The following KAZN variants were observed in gnomAD, a reference collection of about 807,000 sequenced individuals.
The protein encoded by KAZN is kazrin, periplakin interacting protein.
A neutral mutation model predicts 87.4 loss-of-function variants in KAZN; 40 were observed. That is an observed-to-expected ratio of 0.46 (90% CI 0.36 to 0.60). The LOEUF (loss-of-function observed/expected upper bound fraction) is 0.60. Ranked by LOEUF, KAZN falls within the 20% of genes least tolerant of loss-of-function variation. The pLI is 0.00. For synonymous variants in KAZN, 466 were observed against 458.3 expected (o/e 1.02, Z -0.22); for missense variants, 898 against 1,073.9 (o/e 0.84, Z 2.29).
rs755223495 is a variant in KAZN, at chr1:15,066,022, C to T, written c.1222+269C>T. The T allele has an allele frequency of 6.3e-6, 8 of 1,261,070 alleles. No individual in the cohort carries two copies. Among genetic ancestry groups the T allele is most frequent in the Admixed American group, 4.1e-5 (1 of 24,378 alleles). The allele number at this position is 1,261,070 out of a possible 1,614,324, so 78.1% of individuals were successfully genotyped here. On this transcript the variant is annotated intron_variant, in intron 8 of 14. Coordinates refer to ENST00000376030, the MANE Select transcript of KAZN (RefSeq NM_201628.3). This position sits in a 1 kb window ranked among gnomAD's most constrained non-coding sequence, Gnocchi z 4.3. ...TGTAATTGATGTACATACCGCAAAC[C>T]GTGTGTGAACCTGTCAACTCTCTGT...
chr1:14,771,479 C>A (rs1645016792), intron 1 of KAZN, among the ~76,000 whole-genome samples: 1 of 152,154 alleles, frequency 6.6e-6, no homozygotes, highest in African/African-American at 2.4e-5. Flanking sequence ...CCCTTCTCAT[C>A]TTGCACTTGG....
At chr1:14,257,648 T>C (rs1384062702) in intron 2 of KAZN, among the ~76,000 whole-genome samples, 1 of 149,900 alleles carries the variant, frequency 6.7e-6, no homozygotes, top group African/African-American at 2.5e-5. Flanking sequence ...GATTTTTGTA[T>C]AAGATGTAAG....
intron 2 of KAZN, among the ~76,000 whole-genome samples, chr1:14,327,072 T>C (rs1381292486): frequency 6.6e-6 from 1 of 152,222 alleles, no homozygotes; most frequent in Non-Finnish European, 1.5e-5. Context: ...CAGTTAGCAC[T>C]TTGTAAACAC....
chr1:14,781,214 C>G (rs371281333), intron 1 of KAZN, among the ~76,000 whole-genome samples: 1 of 152,130 alleles, frequency 6.6e-6, no homozygotes, highest in African/African-American at 2.4e-5. Context: ...CCCAGCTACT[C>G]GGGAGGCTGA....
intron 1 of KAZN, among the ~76,000 whole-genome samples, chr1:13,966,990 A>T (rs1641969894): frequency 6.6e-6 from 1 of 152,162 alleles, no homozygotes; most frequent in African/African-American, 2.4e-5. Flanking sequence ...CTGTGTCTGT[A>T]TAACTGGTCC....
At chr1:14,617,754 A>G (rs1678367687) in intron 1 of KAZN, among the ~76,000 whole-genome samples, 1 of 152,208 alleles carries the variant, frequency 6.6e-6, no homozygotes, top group African/African-American at 2.4e-5. Context: ...TGGGAGTGAC[A>G]ACACGACCAT....
Position 15,020,435 on chromosome 1 carries a change from T to C in KAZN, c.419-14314T>C, listed in dbSNP as rs368223102. On this transcript the variant is annotated intron_variant, in intron 2 of 14. Transcript: ENST00000376030. ...CCCTCCTGTGCACCTTTCTTGCCAC[T>C]ATCCCCCTCCGAAGGTAGCCTGTCG... Among the ~76,000 whole-genome samples the C allele has an allele frequency of 2.2e-3, 338 of 152,324 alleles. 14 individuals are homozygous for C. The South Asian group carries it at 0.067, about 30-fold the overall frequency.
chr1:14,162,497 CAAAAGATT>C (rs910118313), intron 1 of KAZN, among the ~76,000 whole-genome samples: 13 of 151,724 alleles, frequency 8.6e-5, no homozygotes, highest in African/African-American at 2.9e-4. Context: ...AAGGCCACAG[CAAAAGATT>C]TTATAGCTAC....
chr1:14,860,998 GA>G (rs1650776123), intron 1 of KAZN, among the ~76,000 whole-genome samples: 1 of 152,206 alleles, frequency 6.6e-6, no homozygotes, highest in Non-Finnish European at 1.5e-5. Flanking sequence ...GCATGTGAAG[GA>G]AGGGAAAGAG....
chr1:14,588,564 T>C (rs1675994159), intron 2 of KAZN, among the ~76,000 whole-genome samples: 1 of 152,236 alleles, frequency 6.6e-6, no homozygotes, highest in Non-Finnish European at 1.5e-5. Flanking sequence ...TCTGAGTCTG[T>C]GCCCCCCAGC....
At chr1:14,917,563 T>C (rs1448903697) in intron 1 of KAZN, among the ~76,000 whole-genome samples, 1 of 152,212 alleles carries the variant, frequency 6.6e-6, no homozygotes, top group Non-Finnish European at 1.5e-5. Flanking sequence ...CAGAGCTTTT[T>C]ATGTGTGCCT....
intron 1 of KAZN, among the ~76,000 whole-genome samples, chr1:14,639,794 A>G (rs1360598860): frequency 6.6e-6 from 1 of 152,086 alleles, no homozygotes; most frequent in Non-Finnish European, 1.5e-5. Flanking sequence ...TTTTTTAGCC[A>G]TCCAGGGCAT....
intron 1 of KAZN, among the ~76,000 whole-genome samples, chr1:14,912,995 T>C (rs1463017813): frequency 1.3e-5 from 2 of 152,184 alleles, no homozygotes; most frequent in Non-Finnish European, 2.9e-5. Flanking sequence ...GCTATTGTTC[T>C]TTCCTAAGAC....
At chr1:14,718,496 G>A (rs149118902) in intron 1 of KAZN, among the ~76,000 whole-genome samples, 1 of 152,310 alleles carries the variant, frequency 6.6e-6, no homozygotes, top group African/African-American at 2.4e-5. Context: ...GAGAATTGCT[G>A]ACAATTTTCA....
At chr1:14,527,931 T>C (rs1027854037) in intron 2 of KAZN, among the ~76,000 whole-genome samples, 1 of 152,152 alleles carries the variant, frequency 6.6e-6, no homozygotes, top group African/African-American at 2.4e-5. Flanking sequence ...ATCCAAACTA[T>C]AGCACTTCAT....
At chr1:14,574,432 G>T (rs1675055559) in intron 2 of KAZN, among the ~76,000 whole-genome samples, 1 of 152,134 alleles carries the variant, frequency 6.6e-6, no homozygotes, top group Non-Finnish European at 1.5e-5. Context: ...GAATCATGGA[G>T]GCGATTTCCC....
intron 1 of KAZN, among the ~76,000 whole-genome samples, chr1:14,135,846 C>T (rs1444319584): frequency 2.0e-5 from 3 of 152,110 alleles, no homozygotes; most frequent in Non-Finnish European, 2.9e-5. Flanking sequence ...ATGGAGGCTG[C>T]TCAAAAGATT....
chr1:14,962,877 C>A (rs187992715), intron 2 of KAZN, among the ~76,000 whole-genome samples: 19 of 152,272 alleles, frequency 1.2e-4, no homozygotes, highest in African/African-American at 4.6e-4. Flanking sequence ...GGCTCACTTA[C>A]ACTACCATCC....
chr1:14,851,697 G>A (rs565850506), intron 1 of KAZN, among the ~76,000 whole-genome samples: 2 of 152,232 alleles, frequency 1.3e-5, no homozygotes, highest in Admixed American at 6.5e-5. Context: ...AGTCTTCTCA[G>A]CCATGAAGTG....
Sources: allele counts gnomAD v4.1 joint callset (sites outside exome capture counted in the v4.1 genomes callset), GRCh38; gene constraint gnomAD v4.1.1; non-coding constraint Gnocchi (gnomAD v3.1); transcripts MANE v1.5; gene names NCBI Gene and HGNC (gene_info 2026-07-23, HGNC 2026-07-21).